VAV2: variants seen among roughly 807,000 people sequenced by gnomAD.
VAV2 encodes guanine nucleotide exchange factor VAV2.
In VAV2, 67 loss-of-function variants were observed where a neutral mutation model predicts 132.5. The observed-to-expected ratio is 0.51, with a 90% CI of 0.42 to 0.62. The LOEUF is 0.62. VAV2 is among the 20% of genes least tolerant of loss of function. The pLI, the probability that VAV2 is intolerant of heterozygous loss-of-function variation, is 0.00. For synonymous variants in VAV2, 492 were observed against 443.5 expected (o/e 1.11, Z -1.37); for missense variants, 938 against 1,153.6 (o/e 0.81, Z 2.71).
intron 13 of VAV2, among the ~76,000 whole-genome samples, 186 bp from the exon 14 acceptor site, chr9:133,789,529 C>T (rs7027503): frequency 0.43 from 65,996 of 152,028 alleles, 14,491 homozygotes; most frequent in South Asian, 0.5. Context: ...TGCAGAAGAC[C>T]GGGAAGGGAC....
chr9:133,941,557 C>T (rs1053284645), intron 1 of VAV2, among the ~76,000 whole-genome samples: 2 of 149,030 alleles, frequency 1.3e-5, no homozygotes, highest in African/African-American at 5.0e-5. Flanking sequence ...CCTGTTAATT[C>T]TGAAGAATAC....
chr9:133,784,506 G>C, intron 17 of VAV2, 88 bp from the exon 18 acceptor site: 2 of 1,425,118 alleles, frequency 1.4e-6, no homozygotes, highest in Non-Finnish European at 2.0e-6. Flanking sequence ...GCTGGGCTCC[G>C]GACCCAGGCT....
Position 133,777,398 on chromosome 9 carries a change from C to T in VAV2, c.1956G>A (p.Val652=), listed in dbSNP as rs759407373. ...GTGGGAAAGGACTCACCCTTCCATC[C>T]ACAGGGCAGGGCTTCACAGATGAGC... ...FPSSSVKPCP[V]DGRPPISRPP... The change falls in exon 23 of 30, where the codon GTG becomes GTA. Residue 652 remains valine, a synonymous_variant. Transcript: ENST00000371850. The T allele has an allele frequency of 1.9e-6, 3 of 1,613,796 alleles. No individual in the cohort carries two copies. Among genetic ancestry groups the T allele is most frequent in the Non-Finnish European group, 2.5e-6 (3 of 1,179,990 alleles).
chr9:133,978,111 A>T (rs1268236548), intron 1 of VAV2, among the ~76,000 whole-genome samples: 6 of 152,244 alleles, frequency 3.9e-5, no homozygotes, highest in Admixed American at 3.9e-4. Flanking sequence ...GCGGGGAGGC[A>T]CACGGTGTTC....
rs1438400454 is a variant in VAV2, at chr9:133,794,118, C to A, written c.1101+1550G>T. Among the ~76,000 whole-genome samples the A allele has an allele frequency of 6.6e-6, 1 of 152,094 alleles. No individual in the cohort carries two copies. Among genetic ancestry groups the A allele is most frequent in the East Asian group, 1.9e-4 (1 of 5,184 alleles). On this transcript the variant is annotated intron_variant, in intron 12 of 29. Coordinates refer to ENST00000371850, the MANE Select transcript of VAV2 (RefSeq NM_001134398.2). The surrounding 1 kb of genome is among the most constrained non-coding windows in gnomAD (Gnocchi z 4.6). ...AGTGCTGAGAGTATGAAACGCAAGA[C>A]CACACTCAGGGCCCGGGTGCACGGC...
At chr9:133,907,668 C>G (rs1839709392) in intron 2 of VAV2, among the ~76,000 whole-genome samples, 1 of 152,222 alleles carries the variant, frequency 6.6e-6, no homozygotes, top group Non-Finnish European at 1.5e-5. Context: ...AGATCCACCG[C>G]CATCCTCGTA....
At chr9:133,849,499 T>C (rs1324451129) in intron 3 of VAV2, among the ~76,000 whole-genome samples, 2 of 152,214 alleles carry the variant, frequency 1.3e-5, no homozygotes, top group Non-Finnish European at 2.9e-5. Context: ...GGACCCTGCG[T>C]CCCAGAGCTG....
intron 1 of VAV2, among the ~76,000 whole-genome samples, chr9:133,981,814 G>A (rs141226634): frequency 9.2e-5 from 14 of 152,200 alleles, no homozygotes; most frequent in Admixed American, 6.5e-5. Context: ...TTCCAGACAC[G>A]AGGAGCCCGG....
chr9:133,900,766 GATTTATTTATTTATTTATTT>G (rs10538806), intron 2 of VAV2, among the ~76,000 whole-genome samples: 10 of 145,602 alleles, frequency 6.9e-5, no homozygotes, highest in East Asian at 2.1e-4. Flanking sequence ...CTCCTGTCTT[GATTTATTTATTTATTTATTT>G]ATTTATTTAT....
At chr9:133,980,786 C>T (rs910259098) in intron 1 of VAV2, among the ~76,000 whole-genome samples, 8 of 152,194 alleles carry the variant, frequency 5.3e-5, no homozygotes, top group South Asian at 2.1e-4. Context: ...GCTGCTGGAA[C>T]GCAGATTTCA....
In VAV2 at chr9:133,777,404, G is replaced by A. The variant is rs758139812; in HGVS notation, c.1950C>T (p.Cys650=). 6 of 1,613,690 alleles carry A rather than the reference G, an allele frequency of 3.7e-6. No homozygotes were observed. In the Admixed American group the frequency reaches 6.7e-5, roughly 18 times the overall value. Residue 650 remains cysteine (C), a synonymous_variant, in exon 23 of 30, where the codon TGC becomes TGT. Transcript: ENST00000371850. ...GYFPSSSVKP[C]PVDGRPPISR... is the part of the protein sequence containing the mutation. Reference sequence around the variant, plus strand: ...AAGGACTCACCCTTCCATCCACAGGGCAGGGCTTCACAGATGAGCTGGGGA... The same window carrying A: ...AAGGACTCACCCTTCCATCCACAGGACAGGGCTTCACAGATGAGCTGGGGA...
At chr9:133,790,682 T>C (rs1265561687) in intron 13 of VAV2, among the ~76,000 whole-genome samples, 1 of 152,184 alleles carries the variant, frequency 6.6e-6, no homozygotes, top group African/African-American at 2.4e-5. Context: ...TTTTAATTTC[T>C]TTCTAAAATG....
At position 133,840,222 on chromosome 9, in the gene VAV2, T is replaced by C. The variant is rs1389758797; in HGVS notation, c.381-5882A>G. Among the ~76,000 whole-genome samples the C allele has an allele frequency of 6.6e-6, 1 of 152,158 alleles. No individual in the cohort carries two copies. Reference sequence around the variant, plus strand: ...CCACCAGAGCCTTCCTGAGCATGCATTTCCTCGTGCCCGGCTTCGGGAAGC... The same window carrying C: ...CCACCAGAGCCTTCCTGAGCATGCACTTCCTCGTGCCCGGCTTCGGGAAGC... On this transcript the variant is annotated intron_variant, in intron 3 of 29. Coordinates refer to ENST00000371850, the MANE Select transcript of VAV2 (RefSeq NM_001134398.2). The surrounding 1 kb of genome is among the most constrained non-coding windows in gnomAD (Gnocchi z 4.5).
intron 2 of VAV2, among the ~76,000 whole-genome samples, chr9:133,889,154 C>G (rs916367189): frequency 2.6e-5 from 4 of 152,194 alleles, no homozygotes; most frequent in African/African-American, 9.7e-5. Flanking sequence ...CGAGGCCCAG[C>G]AAACCACAGG....
chr9:133,886,787 G>A (rs971325317), intron 2 of VAV2, among the ~76,000 whole-genome samples: 8 of 152,372 alleles, frequency 5.3e-5, no homozygotes, highest in African/African-American at 1.9e-4. Context: ...GTTACCAGGA[G>A]AGCAGGTGAA....
chr9:133,897,629 T>C (rs1252531449), intron 2 of VAV2, among the ~76,000 whole-genome samples: 1 of 152,002 alleles, frequency 6.6e-6, no homozygotes, highest in Non-Finnish European at 1.5e-5. Flanking sequence ...GGCCCCCCTC[T>C]GGGTGGCCAA....
intron 2 of VAV2, among the ~76,000 whole-genome samples, chr9:133,933,117 A>G (rs1216717597): frequency 6.6e-6 from 1 of 152,266 alleles, no homozygotes; most frequent in Non-Finnish European, 1.5e-5. Flanking sequence ...AGACAGTCTC[A>G]TTCACGTTAG....
chr9:133,785,877 G>A lies in VAV2; in HGVS notation c.1431C>T (p.Tyr477=), dbSNP rs56170103. ...CTTGAAGGTGAATTAGGTAGAAGCC[G>A]TAGGACCACTGCAGGGGGGAGAGGG... ...VKKSHGKMWS[Y]GFYLIHLQGK... is the part of the protein sequence containing the mutation. Residue 477 remains tyrosine (Y), a synonymous_variant, in exon 17 of 30, where the codon TAC becomes TAT. Transcript: ENST00000371850. 718 of 1,613,300 alleles carry A rather than the reference G, an allele frequency of 4.5e-4. 1 individual carries two copies. Among genetic ancestry groups the A allele is most frequent in the Middle Eastern group, 2.2e-3 (13 of 6,036 alleles).
intron 4 of VAV2, among the ~76,000 whole-genome samples, chr9:133,831,048 G>A (rs1043586088): frequency 6.6e-6 from 1 of 152,182 alleles, no homozygotes; most frequent in African/African-American, 2.4e-5. Flanking sequence ...AAAGCCACAG[G>A]TTCCCCAGAG....
Sources: allele counts gnomAD v4.1 joint callset (sites outside exome capture counted in the v4.1 genomes callset), GRCh38; gene constraint gnomAD v4.1.1; non-coding constraint Gnocchi (gnomAD v3.1); transcripts MANE v1.5; gene names NCBI Gene and HGNC (gene_info 2026-07-23, HGNC 2026-07-21).